Variants in SYT2 observed in about 807,000 individuals in gnomAD.
The protein encoded by SYT2 is synaptotagmin 2.
SYT2 carries 15 observed loss-of-function variants against 39.9 expected under a neutral mutation model. The ratio of observed to expected loss-of-function variants is 0.38; its 90% CI spans 0.25 to 0.58. The LOEUF (loss-of-function observed/expected upper bound fraction) is 0.58. SYT2 is among the 20% of genes least tolerant of loss of function. The probability of loss-of-function intolerance (pLI) is 0.70; values close to 1 mark genes in which losing one functional copy is unlikely to be tolerated. For missense variants in SYT2, 389 were observed against 530.3 expected, an observed-to-expected ratio of 0.73 and a Z score of 2.62; for synonymous variants, 181 against 204.5, an observed-to-expected ratio of 0.89 and a Z score of 0.98.
In SYT2 at chr1:202,625,845, G is replaced by A. The variant is rs185540949; in HGVS notation, c.-17-20056C>T. 3.0e-3 allele frequency among the ~76,000 whole-genome samples: 458 copies of A among 152,308 alleles called. 3 individuals carry two copies. Among genetic ancestry groups the A allele is most frequent in the African/African-American group, 0.01 (436 of 41,546 alleles). ...GTGGCATCTGCTAGCCGGCAGCACCGGGGAGGGGGTCCTGTCTCCATCTCT... is the reference window on the plus strand; with the variant it reads ...GTGGCATCTGCTAGCCGGCAGCACCAGGGAGGGGGTCCTGTCTCCATCTCT... On this transcript the variant is annotated intron_variant, in intron 1 of 8. Transcript: ENST00000367268.
chr1:202,632,464 ACT>A, intron 1 of SYT2: 1 of 753,964 alleles, frequency 1.3e-6, no homozygotes, highest in Non-Finnish European at 1.6e-6. Flanking sequence ...GGAGAAACTG[ACT>A]CTATAACCAG....
At chr1:202,698,325 C>A (rs1054045118) in intron 1 of SYT2, among the ~76,000 whole-genome samples, 3 of 152,126 alleles carry the variant, frequency 2.0e-5, no homozygotes, top group Admixed American at 2.0e-4. Flanking sequence ...AATTACCCAG[C>A]CCTGTGCCCG....
chr1:202,694,251 G>C (rs140194356), intron 1 of SYT2, among the ~76,000 whole-genome samples: 6 of 152,170 alleles, frequency 3.9e-5, no homozygotes, highest in African/African-American at 1.4e-4. Flanking sequence ...TCAGATTTGT[G>C]TTAGAAAAAA....
At chr1:202,698,566 G>T (rs1023219593) in intron 1 of SYT2, among the ~76,000 whole-genome samples, 5 of 152,312 alleles carry the variant, frequency 3.3e-5, no homozygotes, top group Admixed American at 6.5e-5. Flanking sequence ...CATCCTTGGA[G>T]GTTGGAGTGC....
intron 1 of SYT2, among the ~76,000 whole-genome samples, chr1:202,702,345 C>T (rs902527252): frequency 2.6e-5 from 4 of 152,216 alleles, no homozygotes; most frequent in African/African-American, 7.2e-5. Flanking sequence ...TGTGCTTCCC[C>T]CTTCGCCTCC....
chr1:202,660,412 T>C (rs1692354939), intron 1 of SYT2, among the ~76,000 whole-genome samples: 1 of 152,176 alleles, frequency 6.6e-6, no homozygotes. Context: ...CAACTTCTGT[T>C]ACCGCTACTA....
chr1:202,650,095 AG>A (rs1009337685), intron 1 of SYT2, among the ~76,000 whole-genome samples: 3 of 152,260 alleles, frequency 2.0e-5, no homozygotes, highest in African/African-American at 7.2e-5. Flanking sequence ...TGTTTGGCAG[AG>A]GGCCCCGGAA....
rs560021589 is a variant in SYT2, at chr1:202,614,992, C to T, written c.-17-9203G>A. Among the ~76,000 whole-genome samples the T allele has an allele frequency of 2.4e-4, 37 of 152,290 alleles. No homozygotes were observed. The highest frequency in any genetic ancestry group is 3.5e-4 in the Non-Finnish European group (24 of 68,030). On this transcript the variant is annotated intron_variant, in intron 1 of 8. Transcript: ENST00000367268. This position sits in a 1 kb window ranked among gnomAD's most constrained non-coding sequence, Gnocchi z 4.0. ...GTACAAATGTATATTTTAAAAGTTT[C>T]GCTTTGGCTGTCGTGAGTAAAAAGA...
At chr1:202,678,782 A>C (rs1054302438) in intron 1 of SYT2, among the ~76,000 whole-genome samples, 1 of 152,230 alleles carries the variant, frequency 6.6e-6, no homozygotes, top group Non-Finnish European at 1.5e-5. Context: ...ACCATTTATA[A>C]ATTAAAACAC....
At chr1:202,668,221 C>A (rs781640456) in intron 1 of SYT2, among the ~76,000 whole-genome samples, 1 of 152,166 alleles carries the variant, frequency 6.6e-6, no homozygotes, top group Admixed American at 6.5e-5. Flanking sequence ...ACACATCTCT[C>A]GTGCGCTCAT....
At position 202,600,331 on chromosome 1, in the gene SYT2, A is replaced by G. The variant is rs776277945; in HGVS notation, c.919+26T>C. On this transcript the variant is annotated intron_variant, in intron 7 of 8. Transcript: ENST00000367268. ...CTGACTGGCTCGCTGGTGCCACCCAATGGCAGCCAGAAGCTCTCCACGTAC... is the reference window on the plus strand; with the variant it reads ...CTGACTGGCTCGCTGGTGCCACCCAGTGGCAGCCAGAAGCTCTCCACGTAC... The G allele has an allele frequency of 8.8e-6, 14 of 1,594,328 alleles. No individual in the cohort carries two copies. The Admixed American group carries it at 1.2e-4, about 13-fold the overall frequency.
At position 202,626,112 on chromosome 1, in the gene SYT2, C is replaced by A. The variant is rs555137260; in HGVS notation, c.-17-20323G>T. Reference sequence around the variant, plus strand: ...GGAAGGGAACGCTGGGGGTCTCGGGCCACACCACTTGTCCAGGAAGCTGGG... The same window carrying A: ...GGAAGGGAACGCTGGGGGTCTCGGGACACACCACTTGTCCAGGAAGCTGGG... On this transcript the variant is annotated intron_variant, in intron 1 of 8. Coordinates refer to ENST00000367268, the MANE Select transcript of SYT2 (RefSeq NM_177402.5). Among the ~76,000 whole-genome samples the A allele has an allele frequency of 1.5e-3, 232 of 152,270 alleles. 1 individual carries two copies. The highest frequency in any genetic ancestry group is 2.3e-3 in the Non-Finnish European group (155 of 68,004).
intron 5 of SYT2, 151 bp downstream of exon 5, chr1:202,602,227 C>A: frequency 8.9e-7 from 1 of 1,129,692 alleles, no homozygotes; most frequent in Non-Finnish European, 1.3e-6. Flanking sequence ...GGAGGGATCC[C>A]GATCCTCCAT....
chr1:202,600,926 C>T (rs1427482937), intron 6 of SYT2, among the ~76,000 whole-genome samples: 1 of 152,154 alleles, frequency 6.6e-6, no homozygotes, highest in Non-Finnish European at 1.5e-5. Flanking sequence ...GCCTTCTTTC[C>T]CTTAACAGTC....
At chr1:202,618,084 T>C (rs1691096145) in intron 1 of SYT2, among the ~76,000 whole-genome samples, 1 of 152,132 alleles carries the variant, frequency 6.6e-6, no homozygotes, top group Non-Finnish European at 1.5e-5. Flanking sequence ...TGTAGTTTTG[T>C]AGAGACGGGG....
chr1:202,631,526 A>G (rs1691592430), intron 1 of SYT2, among the ~76,000 whole-genome samples: 1 of 152,074 alleles, frequency 6.6e-6, no homozygotes, highest in African/African-American at 2.4e-5. Context: ...GAAAAAAATC[A>G]CACCACATCT....
At chr1:202,604,025 G>A (rs1358365485) in intron 3 of SYT2, among the ~76,000 whole-genome samples, 3 of 152,250 alleles carry the variant, frequency 2.0e-5, no homozygotes, top group African/African-American at 7.2e-5. Context: ...ACTTGGCTCT[G>A]TCTTGGTGCC....
chr1:202,700,133 C>T (rs866748828), intron 1 of SYT2, among the ~76,000 whole-genome samples: 2 of 152,238 alleles, frequency 1.3e-5, no homozygotes, highest in Middle Eastern at 3.4e-3. Flanking sequence ...AGAAAAGCTC[C>T]CCTCTCCAGG....
chr1:202,652,965 C>T (rs762411138), intron 1 of SYT2, among the ~76,000 whole-genome samples: 2 of 151,532 alleles, frequency 1.3e-5, no homozygotes, highest in South Asian at 2.1e-4. Flanking sequence ...CACCCACCCC[C>T]CCTTAGAGTT....
Sources: gnomAD v4.1 joint callset for allele counts (sites outside exome capture counted in the v4.1 genomes callset) on GRCh38, gnomAD v4.1.1 for gene constraint, Gnocchi (gnomAD v3.1) non-coding constraint, MANE v1.5 for transcripts, NCBI Gene and HGNC (gene_info 2026-07-23, HGNC 2026-07-21) for gene names.